The following ZNF83 variants were observed in gnomAD, a reference collection of about 807,000 sequenced individuals.
ZNF83 encodes the protein zinc finger protein 816B.
For synonymous variants in ZNF83, 209 were observed against 213.0 expected, an observed-to-expected ratio of 0.98 and a Z score of 0.17; for missense variants, 552 against 629.9, an observed-to-expected ratio of 0.88 and a Z score of 1.32.
chr19:52,656,228 A>C (rs12976091), intron 2 of ZNF83, among the ~76,000 whole-genome samples: 15,843 of 93,738 alleles, frequency 0.17, 856 homozygotes, highest in Non-Finnish European at 0.21. Flanking sequence ...CTCTCTCTCT[A>C]TATATATATA....
chr19:52,625,066 A>T lies in ZNF83; in HGVS notation c.-234+10000T>A, dbSNP rs75245154. ...CCCTCCTTTCGTGTTCCTCATCCTG[A>T]TCACATTTGGTTTATTGATGGCAGT... On this transcript the variant is annotated intron_variant, in intron 2 of 2. Coordinates refer to ENST00000301096, the Ensembl canonical transcript of ZNF83. Among the ~76,000 whole-genome samples the T allele has an allele frequency of 9.3e-3, 1,401 of 150,628 alleles. 26 individuals are homozygous for T. The highest frequency in any genetic ancestry group is 0.032 in the African/African-American group (1,303 of 40,822).
intron 1 of ZNF83, among the ~76,000 whole-genome samples, chr19:52,684,776 A>C (rs903258328): frequency 6.6e-6 from 1 of 152,068 alleles, no homozygotes; most frequent in African/African-American, 2.4e-5. Flanking sequence ...CCTGAGACAG[A>C]AAAGGTTTTG....
chr19:52,617,302 A>T (rs1273548631), intron 2 of ZNF83: 1 of 152,272 alleles, frequency 6.6e-6, no homozygotes, highest in Non-Finnish European at 1.5e-5. Context: ...TACAGAGCAG[A>T]CATCGGTTTA....
At chr19:52,614,474 A>G in exon 3 of ZNF83, 1 of 1,612,646 alleles carries the variant, frequency 6.2e-7, no homozygotes, top group Non-Finnish European at 8.5e-7. Flanking sequence ...TCAGCTTGAA[A>G]TAGCTGCAGT....
intron 1 of ZNF83, among the ~76,000 whole-genome samples, chr19:52,637,915 G>GCAAAGTA (rs1043796557): frequency 1.3e-5 from 2 of 152,186 alleles, no homozygotes; most frequent in African/African-American, 4.8e-5. Flanking sequence ...CCAGGACCAG[G>GCAAAGTA]CAAAGTACGC....
intron 3 of ZNF83, chr19:52,652,410 G>A (rs1341212697): frequency 2.7e-6 from 1 of 365,084 alleles, no homozygotes; most frequent in Non-Finnish European, 5.3e-6. Flanking sequence ...ACCCCAGCCT[G>A]GACAAAAGAG....
At chr19:52,618,299 T>G (rs1348136421) in intron 2 of ZNF83, among the ~76,000 whole-genome samples, 1 of 151,456 alleles carries the variant, frequency 6.6e-6, no homozygotes, top group Non-Finnish European at 1.5e-5. Context: ...CCTGGCTGTC[T>G]CCCAGGCTAG....
intron 3 of ZNF83, among the ~76,000 whole-genome samples, chr19:52,645,422 G>C (rs1318788296): frequency 6.6e-6 from 1 of 152,038 alleles, no homozygotes; most frequent in Non-Finnish European, 1.5e-5. Flanking sequence ...AAACATACAT[G>C]TACAGAAAAA....
At chr19:52,668,647 A>G (rs1450864284) in intron 1 of ZNF83, among the ~76,000 whole-genome samples, 1 of 152,158 alleles carries the variant, frequency 6.6e-6, no homozygotes, top group Non-Finnish European at 1.5e-5. Flanking sequence ...GAAATAGGAG[A>G]CCTAAGGCAA....
intron 1 of ZNF83, among the ~76,000 whole-genome samples, chr19:52,680,844 C>T (rs1386544533): frequency 6.6e-6 from 1 of 150,838 alleles, no homozygotes; most frequent in Admixed American, 6.6e-5. Context: ...GATCTCCTGA[C>T]CTCGTGATCC....
At chr19:52,614,160 G>A (rs562595949) in exon 3 of ZNF83, 2 of 1,613,942 alleles carry the variant, frequency 1.2e-6, no homozygotes, top group African/African-American at 2.7e-5. Context: ...GACTTGCAAG[G>A]TTTGATTTTT....
chr19:52,624,425 C>G (rs1047660277), intron 2 of ZNF83, among the ~76,000 whole-genome samples: 5 of 152,196 alleles, frequency 3.3e-5, no homozygotes, highest in Non-Finnish European at 7.3e-5. Context: ...CAACTCCTTT[C>G]CTTCCTGGGC....
chr19:52,669,333 T>C (rs1837271660), intron 1 of ZNF83, among the ~76,000 whole-genome samples: 1 of 152,178 alleles, frequency 6.6e-6, no homozygotes, highest in Non-Finnish European at 1.5e-5. Flanking sequence ...CAAAATCAAA[T>C]AGCTGCAGGA....
intron 2 of ZNF83, among the ~76,000 whole-genome samples, chr19:52,628,870 C>G (rs1046778578): frequency 6.6e-6 from 1 of 151,756 alleles, no homozygotes; most frequent in African/African-American, 2.4e-5. Context: ...CTCTGTGCCC[C>G]AACCTCTTAT....
chr19:52,635,315 T>C (rs1444141985), intron 1 of ZNF83, 162 bp from the exon 2 acceptor site: 1 of 400,324 alleles, frequency 2.5e-6, no homozygotes, highest in Non-Finnish European at 4.4e-6. Context: ...TCCCGCACCC[T>C]TCTGGAGAAG....
intron 1 of ZNF83, among the ~76,000 whole-genome samples, chr19:52,681,567 C>T (rs1404127290): frequency 2.0e-5 from 3 of 152,124 alleles, no homozygotes; most frequent in African/African-American, 7.2e-5. Context: ...CATACTGTCC[C>T]ATGAAGAAAG....
chr19:52,649,646 C>G (rs2061418053), intron 3 of ZNF83, among the ~76,000 whole-genome samples: 1 of 151,974 alleles, frequency 6.6e-6, no homozygotes, highest in African/African-American at 2.4e-5. Flanking sequence ...AGATGAAAGC[C>G]CTAAAAACTT....
upstream of ZNF83, among the ~76,000 whole-genome samples, chr19:52,641,041 C>A (rs182735702): frequency 6.6e-4 from 100 of 151,976 alleles, no homozygotes; most frequent in African/African-American, 2.3e-3. Flanking sequence ...CGACCCTTGC[C>A]GGCCCCCACC....
At position 52,661,491 on chromosome 19, in the gene ZNF83, T is replaced by C. The variant is rs537418801; in HGVS notation, c.-282-648A>G. The stretch of plus-strand genomic sequence containing the variant: ...AGTTCTCAATATGGGGGAAACTGCC[T>C]TGATGTTCAATGCTGGACACAGATG... On this transcript the variant is annotated intron_variant, in intron 1 of 5. Transcript: ENST00000594682. Among the ~76,000 whole-genome samples the C allele has an allele frequency of 8.5e-5, 13 of 152,190 alleles. No individual in the cohort carries two copies. In the South Asian group the frequency reaches 1.2e-3, roughly 15 times the overall value.
Sources: gnomAD v4.1 joint callset for allele counts (sites outside exome capture counted in the v4.1 genomes callset) on GRCh38, gnomAD v4.1.1 for gene constraint, MANE v1.5 for transcripts, NCBI Gene and HGNC (gene_info 2026-07-23, HGNC 2026-07-21) for gene names.